XPC: variants seen among roughly 807,000 people sequenced by gnomAD.
XPC encodes DNA repair protein complementing XP-C cells.
A neutral mutation model predicts 95.8 loss-of-function variants in XPC; 76 were observed. That is an observed-to-expected ratio of 0.79 (90% CI 0.66 to 0.96). The LOEUF (loss-of-function observed/expected upper bound fraction) is 0.96, where lower values mean the gene tolerates loss of function less well. Among genes scored for constraint, XPC ranks in the 40% least tolerant of loss-of-function variants. XPC has a pLI of 0.00. For missense variants in XPC, 1,146 were observed against 1,179.8 expected (o/e 0.97, Z 0.42); for synonymous variants, 442 against 442.1 (o/e 1.00, Z 0.00).
At chr3:14,166,332 C>T (rs112802712) in intron 5 of XPC, among the ~76,000 whole-genome samples, 240 of 152,252 alleles carry the variant, frequency 1.6e-3, no homozygotes, top group Non-Finnish European at 3.0e-3. Flanking sequence ...GAAAGGCACA[C>T]AGCTGTCTCG....
In XPC at chr3:14,147,912, T is replaced by C; in HGVS notation, c.2510A>G (p.Lys837Arg). Residue 837 changes from lysine to arginine, a missense_variant, in exon 14 of 16, where the codon AAG becomes AGG. By Grantham distance (26) the Lys-to-Arg change is conservative (BLOSUM62 2). Transcript: ENST00000285021. ...NEQAVIERKEKEKKEKRALGN... is the reference protein window; with the variant it reads ...NEQAVIERKEREKKEKRALGN... Reference sequence around the variant, plus strand: ...CAGTCCTGCATATGCGCTTACCTCCTTCTCCTTCCTTTCAATGACTGCCTG... The same window carrying C: ...CAGTCCTGCATATGCGCTTACCTCCCTCTCCTTCCTTTCAATGACTGCCTG... The C allele has an allele frequency of 6.3e-7, 1 of 1,599,490 alleles. No homozygotes were observed.
At position 14,145,462 on chromosome 3, in the gene XPC, T is replaced by TG. The variant is rs1348753313; in HGVS notation, c.*478dup. The TG allele has an allele frequency of 1.4e-6, 1 of 695,158 alleles. No individual in the cohort carries two copies. The highest frequency in any genetic ancestry group is 1.8e-5 in the African/African-American group (1 of 57,084). The allele number at this position is 695,158 out of a possible 1,614,324, so 43.1% of individuals were successfully genotyped here. On this transcript the variant is annotated 3_prime_UTR_variant, in exon 16 of 16. Coordinates refer to ENST00000285021, the MANE Select transcript of XPC (RefSeq NM_004628.5). The stretch of plus-strand genomic sequence containing the variant: ...TAAGCCTGACTCAGGGGAAGGTAAG[T>TG]GGCCTGCAGAGAAATGGTCCTAGGT...
intron 13 of XPC, chr3:14,148,211 A>G (rs1455417916): frequency 3.4e-6 from 2 of 586,768 alleles, no homozygotes; most frequent in Non-Finnish European, 6.0e-6. Flanking sequence ...TGCCGAAGAA[A>G]GCTGGGGTGA....
intron 10 of XPC, among the ~76,000 whole-genome samples, chr3:14,155,014 CA>C (rs1294796072): frequency 6.6e-6 from 1 of 152,180 alleles, no homozygotes; most frequent in African/African-American, 2.4e-5. Flanking sequence ...CGTACATACC[CA>C]TAAGAGGAAG....
intron 1 of XPC, among the ~76,000 whole-genome samples, chr3:14,177,747 G>C (rs1255378768): frequency 1.3e-5 from 2 of 151,708 alleles, no homozygotes; most frequent in Non-Finnish European, 2.9e-5. Context: ...TGGATGCAGA[G>C]CTGGGAGGCC....
Position 14,158,770 on chromosome 3 carries a change from G to C in XPC, c.1113C>G (p.Thr371=), listed in dbSNP as rs754395363. The C allele has an allele frequency of 3.1e-6, 5 of 1,613,786 alleles. No individual in the cohort carries two copies. The Admixed American group carries it at 6.7e-5, about 22-fold the overall frequency. ...KTSKGTKQEE[T]FAKGTCRPSA... ...TTGGCCTGCAGGTGCCCTTAGCAAA[G>C]GTTTCCTCTTGTTTGGTTCCTTTGC... The change falls in exon 9 of 16, where the codon ACC becomes ACG. Residue 371 remains threonine (T), a synonymous_variant. Transcript: ENST00000285021. This position sits in a 1 kb window ranked among gnomAD's most constrained non-coding sequence, Gnocchi z 5.2.
At chr3:14,174,594 T>C (rs1412003527) in intron 1 of XPC, among the ~76,000 whole-genome samples, 1 of 152,236 alleles carries the variant, frequency 6.6e-6, no homozygotes, top group Non-Finnish European at 1.5e-5. Context: ...AGGATGTTCA[T>C]AGTATTCAAA....
intron 7 of XPC, among the ~76,000 whole-genome samples, chr3:14,163,179 C>A (rs1023344919): frequency 6.6e-6 from 1 of 152,178 alleles, no homozygotes; most frequent in African/African-American, 2.4e-5. Flanking sequence ...ACAGTAACTG[C>A]AGAAAACAGT....
chr3:14,170,574 A>C (rs781686133), intron 2 of XPC, 24 bp from the exon 3 acceptor site: 1 of 1,553,448 alleles, frequency 6.4e-7, no homozygotes, highest in Non-Finnish European at 8.8e-7. Context: ...ACAGGAAGGA[A>C]GATGAAGAAG....
intron 7 of XPC, 183 bp from the exon 8 acceptor site, chr3:14,160,013 TAGA>T: frequency 1.8e-6 from 1 of 554,992 alleles, no homozygotes; most frequent in Non-Finnish European, 3.1e-6. Context: ...TTTATCTTCG[TAGA>T]AGAACAGGAA....
Position 14,158,561 on chromosome 3 carries a change from C to T in XPC, c.1322G>A (p.Ser441Asn). 1.9e-6 allele frequency: 3 copies of T among 1,613,540 alleles called. No homozygotes were observed. In the South Asian group the frequency reaches 3.3e-5, roughly 18 times the overall value. ...ACTGGAGAGCTCAAAATCAGAGCCG[C>T]TGCCAGCCTCATCACTCCCACTCTC... is the stretch of plus-strand genomic sequence containing the variant. Reference protein sequence around the residue: ...KEESGSDEAGSGSDFELSSGE... With the variant: ...KEESGSDEAGNGSDFELSSGE... The change falls in exon 9 of 16, where the codon AGC (serine) becomes AAC (asparagine). Residue 441 changes from serine to asparagine, a missense_variant. Ser to Asn is a conservative substitution (Grantham distance 46, BLOSUM62 1). Transcript: ENST00000285021. This position sits in a 1 kb window ranked among gnomAD's most constrained non-coding sequence, Gnocchi z 5.2.
chr3:14,148,004 G>T lies in XPC; in HGVS notation c.2421-3C>A. 4 of 1,575,656 alleles carry T rather than the reference G, an allele frequency of 2.5e-6. No individual in the cohort carries two copies. In the East Asian group the frequency reaches 9.2e-5, roughly 36 times the overall value. ...CGCAGACGATGTATCCATCAGTCCT[G>T]TGGGGACACAACGCGATGTCAACCC... On this transcript the variant is annotated splice_region_variant and splice_polypyrimidine_tract_variant and intron_variant, in intron 13 of 15. Transcript: ENST00000285021.
rs376220736 is a variant in XPC at position 14,158,705 on chromosome 3, C to T, written c.1178G>A (p.Arg393Gln). Residue 393 changes from arginine (R) to glutamine (Q), a missense_variant, in exon 9 of 16, where the codon CGG becomes CAG. By Grantham distance (43) the Arg-to-Gln change is conservative (BLOSUM62 1). Transcript: ENST00000285021. The surrounding 1 kb of genome is among the most constrained non-coding windows in gnomAD (Gnocchi z 5.2). ...TTCCTCGCTGGAGGAGGGCTTGCTC[C>T]GTTTCTTTCTGCCTCCCTTGTTCCT... ...GKRNKGGRKKRSKPSSSEEDE... is the reference protein window; with the variant it reads ...GKRNKGGRKKQSKPSSSEEDE... 2.0e-5 allele frequency: 32 copies of T among 1,613,878 alleles called. No homozygotes were observed. In the African/African-American group the frequency reaches 2.3e-4, roughly 11 times the overall value.
intron 2 of XPC, 140 bp downstream of exon 2, chr3:14,172,727 G>A (rs1324180711): frequency 2.6e-5 from 24 of 940,902 alleles, no homozygotes; most frequent in East Asian, 2.2e-4. Context: ...AGCTCTTACC[G>A]GTCTGAGTTG....
At chr3:14,171,784 C>T (rs1217843232) in intron 2 of XPC, among the ~76,000 whole-genome samples, 3 of 152,088 alleles carry the variant, frequency 2.0e-5, no homozygotes, top group African/African-American at 7.2e-5. Context: ...GATTGCATCA[C>T]TAGACTCCAG....
In XPC at chr3:14,145,473, G is replaced by A. The variant is rs1455609073; in HGVS notation, c.*468C>T. The A allele has an allele frequency of 4.3e-6, 3 of 695,924 alleles. No homozygotes were observed. Among genetic ancestry groups the A allele is most frequent in the Non-Finnish European group, 5.2e-6 (2 of 381,378 alleles). The allele number at this position is 695,924 out of a possible 1,614,324, so 43.1% of individuals were successfully genotyped here. A position where few individuals can be genotyped will look rare whatever the true frequency, so the allele number is the denominator to read the frequency against. The stretch of plus-strand genomic sequence containing the variant: ...CAGGGGAAGGTAAGTGGCCTGCAGA[G>A]AAATGGTCCTAGGTCCGCAACCGAG... On this transcript the variant is annotated 3_prime_UTR_variant, in exon 16 of 16. Transcript: ENST00000285021.
chr3:14,177,017 T>C (rs566249226), intron 1 of XPC, among the ~76,000 whole-genome samples: 1 of 152,262 alleles, frequency 6.6e-6, no homozygotes, highest in Admixed American at 6.5e-5. Flanking sequence ...GGAGAATCAC[T>C]TGAACCTAGG....
chr3:14,177,139 C>T (rs1234942180), intron 1 of XPC, among the ~76,000 whole-genome samples: 4 of 152,240 alleles, frequency 2.6e-5, no homozygotes, highest in East Asian at 3.9e-4. Context: ...TACCAATCCA[C>T]GGGCCCTGCA....
chr3:14,168,506 A>G, intron 3 of XPC, 126 bp from the exon 4 acceptor site: 1 of 1,154,754 alleles, frequency 8.7e-7, no homozygotes, highest in Non-Finnish European at 1.2e-6. Context: ...GACAGCCCAC[A>G]GAGACCCCTA....
Sources: gnomAD v4.1 joint callset for allele counts (sites outside exome capture counted in the v4.1 genomes callset) on GRCh38, gnomAD v4.1.1 for gene constraint, Gnocchi (gnomAD v3.1) non-coding constraint, MANE v1.5 for transcripts, NCBI Gene and HGNC (gene_info 2026-07-23, HGNC 2026-07-21) for gene names.